Variants in PNPT1 observed in about 807,000 individuals in gnomAD.
The protein encoded by PNPT1 is polyribonucleotide nucleotidyltransferase 1, mitochondrial.
PNPT1 carries 53 observed loss-of-function variants against 119.5 expected under a neutral mutation model. The observed-to-expected ratio is 0.44, with a 90% CI of 0.36 to 0.56. The LOEUF is 0.56. Among genes scored for constraint, PNPT1 ranks in the 20% least tolerant of loss-of-function variants. The pLI is 0.00. For synonymous variants in PNPT1, 357 were observed against 322.1 expected (o/e 1.11, Z -1.16); for missense variants, 948 against 938.5 (o/e 1.01, Z -0.13).
chr2:55,681,938 A>C (rs1697261651), intron 5 of PNPT1, among the ~76,000 whole-genome samples: 1 of 151,946 alleles, frequency 6.6e-6, no homozygotes, highest in Non-Finnish European at 1.5e-5. Context: ...TCAGGAGATC[A>C]AGACCATCCT....
intron 25 of PNPT1, among the ~76,000 whole-genome samples, chr2:55,641,078 G>T (rs994791895): frequency 2.0e-5 from 3 of 151,828 alleles, no homozygotes; most frequent in African/African-American, 7.3e-5. Context: ...ATAAAAATTA[G>T]CTGGGCCTGG....
chr2:55,661,538 G>A (rs1178684796), intron 14 of PNPT1, among the ~76,000 whole-genome samples: 1 of 152,110 alleles, frequency 6.6e-6, no homozygotes, highest in African/African-American at 2.4e-5. Flanking sequence ...ATCACAACGT[G>A]GCTTGGGATT....
In PNPT1 at chr2:55,693,523, G is replaced by A. The variant is rs1265518941; in HGVS notation, c.161+140C>T. ...GAGACACATTCCAAACCCGGAAAGG[G>A]AAATTTGGAATTTAGGTTTAGGGTA... On this transcript the variant is annotated intron_variant, in intron 1 of 27. Coordinates refer to ENST00000447944, the MANE Select transcript of PNPT1 (RefSeq NM_033109.5). The A allele has an allele frequency of 1.7e-5, 22 of 1,258,222 alleles. No individual in the cohort carries two copies. The East Asian group carries it at 4.8e-4, about 28-fold the overall frequency. 77.9% of individuals were successfully genotyped at this position (1,258,222 alleles called of 1,614,324 possible).
At chr2:55,692,647 G>C (rs1697653175) in intron 1 of PNPT1, among the ~76,000 whole-genome samples, 1 of 151,930 alleles carries the variant, frequency 6.6e-6, no homozygotes, top group Admixed American at 6.5e-5. Flanking sequence ...CCTTTTTTGA[G>C]CCTCTGTAGT....
At chr2:55,681,704 G>A (rs1697253679) in intron 5 of PNPT1, among the ~76,000 whole-genome samples, 1 of 151,904 alleles carries the variant, frequency 6.6e-6, no homozygotes, top group South Asian at 2.1e-4. Context: ...AATTAGCCGT[G>A]CGTGGTAGTG....
In PNPT1 at chr2:55,676,832, A is replaced by G. The variant is rs1036425775; in HGVS notation, c.679+2850T>C. 5.5e-4 allele frequency among the ~76,000 whole-genome samples: 84 copies of G among 151,854 alleles called. No individual in the cohort carries two copies. In the Middle Eastern group the frequency reaches 0.01, roughly 19 times the overall value. On this transcript the variant is annotated intron_variant, in intron 8 of 27. Coordinates refer to ENST00000447944, the MANE Select transcript of PNPT1 (RefSeq NM_033109.5). Reference sequence around the variant, plus strand: ...AGCCAAGATCATGCCACTGTACTCCAGCCTCGGCAACAGAGAGAGACCTGG... The same window carrying G: ...AGCCAAGATCATGCCACTGTACTCCGGCCTCGGCAACAGAGAGAGACCTGG...
chr2:55,681,744 C>CTGAG (rs1369803459), intron 5 of PNPT1, among the ~76,000 whole-genome samples: 1 of 150,812 alleles, frequency 6.6e-6, no homozygotes, highest in Non-Finnish European at 1.5e-5. Context: ...ACTAGGGAGG[C>CTGAG]TGAGGCAGGA....
intron 2 of PNPT1, among the ~76,000 whole-genome samples, chr2:55,687,102 T>C (rs531250787): frequency 6.7e-6 from 1 of 149,860 alleles, no homozygotes; most frequent in South Asian, 2.1e-4. Context: ...TGGTCCCAGC[T>C]ACTAAGGAGG....
intron 26 of PNPT1, among the ~76,000 whole-genome samples, chr2:55,637,961 T>C (rs1367502630): frequency 1.4e-5 from 2 of 144,640 alleles, no homozygotes; most frequent in Non-Finnish European, 1.5e-5. Context: ...GACCACGCCA[T>C]TGCACTCCAG....
intron 8 of PNPT1, among the ~76,000 whole-genome samples, chr2:55,679,459 T>A (rs1697179695): frequency 1.3e-5 from 2 of 152,142 alleles, no homozygotes; most frequent in African/African-American, 4.8e-5. Context: ...ACTGAAATGA[T>A]CTTGGTAAAT....
chr2:55,650,186 T>A (rs1411746004), intron 18 of PNPT1, among the ~76,000 whole-genome samples: 1 of 150,132 alleles, frequency 6.7e-6, no homozygotes, highest in African/African-American at 2.5e-5. Flanking sequence ...ACGGTCTCCC[T>A]CTCCCTCTCT....
chr2:55,679,782 T>C lies in PNPT1; in HGVS notation c.579A>G (p.Ile193Met). The change falls in exon 8 of 28, where the codon ATA becomes ATG. Residue 193 changes from isoleucine to methionine, a missense_variant. By Grantham distance (10) the Ile-to-Met change is conservative. Coordinates refer to ENST00000447944, the MANE Select transcript of PNPT1 (RefSeq NM_033109.5). ...CAACATATTCTCCATCAATTATTCC[T>C]ATTCGTACTGCCCCTAAAATGTATT... is the stretch of plus-strand genomic sequence containing the variant. ...PWNGPVGAVR[I>M]GIIDGEYVVN... The C allele has an allele frequency of 1.2e-6, 2 of 1,604,654 alleles. No individual in the cohort carries two copies. Among genetic ancestry groups the C allele is most frequent in the Non-Finnish European group, 1.7e-6 (2 of 1,173,342 alleles).
intron 8 of PNPT1, among the ~76,000 whole-genome samples, chr2:55,677,541 C>G (rs1697112059): frequency 7.8e-6 from 1 of 127,938 alleles, no homozygotes; most frequent in South Asian, 2.7e-4. Context: ...TTGCAGTGAG[C>G]TGAGATCGCA....
chr2:55,673,650 G>T (rs1696980814), intron 8 of PNPT1, among the ~76,000 whole-genome samples: 1 of 152,082 alleles, frequency 6.6e-6, no homozygotes, highest in Admixed American at 6.6e-5. Context: ...GGGTTTCACT[G>T]TGTTAGCCAG....
intron 17 of PNPT1, 66 bp downstream of exon 17, chr2:55,656,065 A>G: frequency 6.5e-7 from 1 of 1,533,664 alleles, no homozygotes. Flanking sequence ...ATTACATTTG[A>G]AAACTTAATA....
intron 1 of PNPT1, among the ~76,000 whole-genome samples, chr2:55,689,045 CAA>C (rs1697510740): frequency 6.6e-6 from 1 of 152,044 alleles, no homozygotes; most frequent in Non-Finnish European, 1.5e-5. Flanking sequence ...TTGGGCCACA[CAA>C]AGTCTTAAAT....
chr2:55,647,521 AATT>A, intron 18 of PNPT1, 68 bp from the exon 19 acceptor site: 2 of 1,254,454 alleles, frequency 1.6e-6, no homozygotes, highest in Non-Finnish European at 2.2e-6. Flanking sequence ...TTTATCTATC[AATT>A]TTTTTTTTTT....
chr2:55,683,410 C>G (rs541129200), intron 5 of PNPT1, among the ~76,000 whole-genome samples: 1 of 152,156 alleles, frequency 6.6e-6, no homozygotes, highest in African/African-American at 2.4e-5. Flanking sequence ...GTCAGGAGTT[C>G]AAGACCAGCC....
In PNPT1 at chr2:55,639,012, GTGATCC is replaced by G. The variant is rs1695760716; in HGVS notation, c.2149-1419_2149-1414del. 2.0e-5 allele frequency among the ~76,000 whole-genome samples: 3 copies of G among 152,102 alleles called. No homozygotes were observed. The South Asian group carries it at 6.2e-4, about 32-fold the overall frequency. ...GCTGGTCTCAAACTCCTGACCTAAA[GTGATCC>G]GTCCACCTTGGCCTCCCAAAGTGCT... is the stretch of plus-strand genomic sequence containing the variant. On this transcript the variant is annotated intron_variant, in intron 26 of 27. Coordinates refer to ENST00000447944, the MANE Select transcript of PNPT1 (RefSeq NM_033109.5).
Sources: allele counts gnomAD v4.1 joint callset (sites outside exome capture counted in the v4.1 genomes callset), GRCh38; gene constraint gnomAD v4.1.1; transcripts MANE v1.5; gene names NCBI Gene and HGNC (gene_info 2026-07-23, HGNC 2026-07-21).